The following ZNF334 variants were observed in gnomAD, a reference collection of about 807,000 sequenced individuals.
ZNF334 encodes the protein zinc finger protein 334.
In ZNF334, 14 loss-of-function variants were observed where a neutral mutation model predicts 12.4. That is an observed-to-expected ratio of 1.13 (90% CI 0.74 to 1.76). The LOEUF (loss-of-function observed/expected upper bound fraction) is 1.76, where lower values mean the gene tolerates loss of function less well. Among genes scored for constraint, ZNF334 ranks in the 40% most tolerant of loss-of-function variants. The pLI, the probability that ZNF334 is intolerant of heterozygous loss-of-function variation, is 0.00. For missense variants in ZNF334, 797 were observed against 804.5 expected (o/e 0.99, Z 0.11); for synonymous variants, 273 against 269.6 (o/e 1.01, Z -0.12).
At chr20:46,498,428 G>C (rs560110153), downstream of ZNF334, among the ~76,000 whole-genome samples, 1 of 152,176 alleles carries the variant, frequency 6.6e-6, no homozygotes, top group African/African-American at 2.4e-5. Context: ...GAAGAACTGA[G>C]GTCTCCTGCT....
rs572078043 is a variant in ZNF334, at chr20:46,507,462, C to T, written c.22-2722G>A. 5.7e-4 allele frequency among the ~76,000 whole-genome samples: 87 copies of T among 152,200 alleles called. 3 individuals are homozygous for T. The South Asian group carries it at 0.017, about 29-fold the overall frequency. On this transcript the variant is annotated intron_variant, in intron 2 of 4. Transcript: ENST00000692313. ...GAAAATAATAAGCAGAATTTGAATA[C>T]GATAGATAATAATACTGTATTCATG...
rs562004909 is a variant in ZNF334, at chr20:46,501,614, A to G, written c.1725T>C (p.Asn575=). The G allele has an allele frequency of 4.3e-6, 7 of 1,614,064 alleles. No homozygotes were observed. The African/African-American group carries it at 9.3e-5, about 22-fold the overall frequency. Residue 575 remains asparagine, a synonymous_variant, in exon 5 of 5, where the codon AAT becomes AAC. Coordinates refer to ENST00000692313, the MANE Select transcript of ZNF334 (RefSeq NM_001353824.2). Reference sequence around the variant, plus strand: ...TCTGACAGAAGGTTTTCCCACATTCATTACACTCATAGGGTCTCTGTCCTG... The same window carrying G: ...TCTGACAGAAGGTTTTCCCACATTCGTTACACTCATAGGGTCTCTGTCCTG... ...THTGQRPYEC[N]ECGKTFCQKF...
In ZNF334 at chr20:46,501,790, A is replaced by G; in HGVS notation, c.1549T>C (p.Tyr517His). 1 of 1,614,176 alleles carries G rather than the reference A, an allele frequency of 6.2e-7. No homozygotes were observed. The highest frequency in any genetic ancestry group is 8.5e-7 in the Non-Finnish European group (1 of 1,180,028). ...GCATGCCCATGTTCACTACACTCAT[A>G]AAGATTCTCCTTTGTGTTCATTCTC... The part of the protein sequence containing the change: ...CKRMNTKENL[Y>H]ECSEHGHAVS... The change falls in exon 5 of 5, where the codon TAT becomes CAT. Residue 517 changes from tyrosine (Y) to histidine (H), a missense_variant. By Grantham distance (83) the Tyr-to-His change is moderately conservative. Transcript: ENST00000692313.
chr20:46,483,422 T>C, the ZNF334 span, among the ~76,000 whole-genome samples: 1 of 152,214 alleles, frequency 6.6e-6, no homozygotes, highest in Non-Finnish European at 1.5e-5. Context: ...AGGTCGATTT[T>C]ATTATTTTCT....
Position 46,504,221 on chromosome 20 carries a change from G to A in ZNF334, c.234C>T (p.Asn78=). The change falls in exon 4 of 5, where the codon AAC becomes AAT. Residue 78 remains asparagine (N), a synonymous_variant. Coordinates refer to ENST00000692313, the MANE Select transcript of ZNF334 (RefSeq NM_001353824.2). ...CAGTTATCATTTACTTACCTGGGTA[G>A]TTCTGATTTGAGAATTCCTCCACTA... ...PWIVEEFSNQ[N]YPDIDDALEK... is the part of the protein sequence containing the mutation. The A allele has an allele frequency of 6.2e-7, 1 of 1,609,838 alleles. No homozygotes were observed. Among genetic ancestry groups the A allele is most frequent in the East Asian group, 2.2e-5 (1 of 44,790 alleles).
At chr20:46,509,307 G>A (rs979156304) in intron 2 of ZNF334, among the ~76,000 whole-genome samples, 15 of 152,152 alleles carry the variant, frequency 9.9e-5, no homozygotes, top group African/African-American at 2.7e-4. Context: ...CTAGAAAACA[G>A]ATCCTAAGGC....
At position 46,504,731 on chromosome 20, in the gene ZNF334, A is replaced by C. The variant is rs759668654; in HGVS notation, c.31T>G (p.Ser11Ala). MKMKKFQIPV[S>A]FQDLTVNFTQ... ...AAGTTCACAGTCAGGTCCTGGAATGAAACTGGTATCTGAAAGAAAATGTTT... is the reference window on the plus strand; with the variant it reads ...AAGTTCACAGTCAGGTCCTGGAATGCAACTGGTATCTGAAAGAAAATGTTT... The change falls in exon 3 of 5, where the codon TCA (serine) becomes GCA (alanine). Residue 11 changes from serine to alanine, a missense_variant. Coordinates refer to ENST00000692313, the MANE Select transcript of ZNF334 (RefSeq NM_001353824.2). 6.2e-7 allele frequency: 1 copy of C among 1,605,674 alleles called. No individual in the cohort carries two copies.
the ZNF334 span, chr20:46,484,878 C>CA: frequency 6.2e-6 from 1 of 160,498 alleles, no homozygotes; most frequent in African/African-American, 2.4e-5. Flanking sequence ...GTTTTTTATA[C>CA]AAAAACACTG....
intron 2 of ZNF334, 75 bp from the exon 3 acceptor site, chr20:46,504,815 G>T: frequency 7.3e-7 from 1 of 1,365,070 alleles, no homozygotes; most frequent in South Asian, 1.5e-5. Flanking sequence ...ACTATAAGAA[G>T]ACCACTGCCA....
At chr20:46,492,282 C>T in the ZNF334 span, 1 of 152,746 alleles carries the variant, frequency 6.5e-6, no homozygotes, top group African/African-American at 2.4e-5. Flanking sequence ...CATAAAGGAA[C>T]TCATACAGGA....
chr20:46,483,755 T>G, the ZNF334 span, among the ~76,000 whole-genome samples: 1 of 152,202 alleles, frequency 6.6e-6, no homozygotes, highest in Non-Finnish European at 1.5e-5. Flanking sequence ...TACTACAACT[T>G]GACTCTGCAC....
the ZNF334 span, among the ~76,000 whole-genome samples, chr20:46,493,841 A>G: frequency 6.6e-6 from 1 of 152,152 alleles, no homozygotes; most frequent in Non-Finnish European, 1.5e-5. Context: ...GAGGCATGAG[A>G]ATCACTTGAA....
In ZNF334 at chr20:46,502,060, G is replaced by A. The variant is rs747157309; in HGVS notation, c.1279C>T (p.His427Tyr). 2 of 1,614,166 alleles carry A rather than the reference G, an allele frequency of 1.2e-6. No individual in the cohort carries two copies. The highest frequency in any genetic ancestry group is 3.3e-5 in the Admixed American group (2 of 60,028). Residue 427 changes from histidine (H) to tyrosine (Y), a missense_variant, in exon 5 of 5, where the codon CAT becomes TAT. By Grantham distance (83) the His-to-Tyr change is moderately conservative. Coordinates refer to ENST00000692313, the MANE Select transcript of ZNF334 (RefSeq NM_001353824.2). ...CATTCATAGGGCTTCTCTCCTGTAT[G>A]ACTTCTTCGATGCACATTGAGGGCA... is the stretch of plus-strand genomic sequence containing the variant. ...QSALNVHRRSHTGEKPYECSQ... is the reference protein window; with the variant it reads ...QSALNVHRRSYTGEKPYECSQ...
chr20:46,500,218 T>A lies in ZNF334; in HGVS notation c.*1078A>T, dbSNP rs1669512009. On this transcript the variant is annotated 3_prime_UTR_variant, in exon 5 of 5. Transcript: ENST00000692313. ...TTCCTCATGCCTGGGGCAGAATGCA[T>A]AATGTGGCAGAGAAGCTAGGAATGG... The A allele has an allele frequency of 6.6e-6, 1 of 152,094 alleles. No individual in the cohort carries two copies. Among genetic ancestry groups the A allele is most frequent in the Non-Finnish European group, 1.5e-5 (1 of 68,024 alleles). The allele number at this position is 152,094 out of a possible 1,614,324, so 9.4% of individuals were successfully genotyped here.
At chr20:46,481,633 A>G in the ZNF334 span, among the ~76,000 whole-genome samples, 2 of 152,350 alleles carry the variant, frequency 1.3e-5, no homozygotes, top group East Asian at 3.9e-4. Context: ...AATCTATGGG[A>G]GAGCTGGAGC....
chr20:46,468,068 T>A, the ZNF334 span, among the ~76,000 whole-genome samples: 1 of 152,228 alleles, frequency 6.6e-6, no homozygotes, highest in African/African-American at 2.4e-5. Context: ...TTGAAATTTG[T>A]ACCTAATATT....
the ZNF334 span, among the ~76,000 whole-genome samples, chr20:46,487,246 A>C: frequency 6.6e-6 from 1 of 152,156 alleles, no homozygotes; most frequent in Non-Finnish European, 1.5e-5. Flanking sequence ...TTCACATTTT[A>C]ATCTGTCTAT....
chr20:46,503,222 A>G, intron 4 of ZNF334, 125 bp from the exon 5 acceptor site: 16 of 1,126,028 alleles, frequency 1.4e-5, no homozygotes, highest in Non-Finnish European at 1.9e-5. Flanking sequence ...AAGATTAAAC[A>G]AATTTCAAGT....
chr20:46,512,365 TTAC>T (rs2061684022), intron 1 of ZNF334, among the ~76,000 whole-genome samples, 172 bp downstream of exon 1: 5 of 152,346 alleles, frequency 3.3e-5, no homozygotes. Context: ...TTCTACTGAA[TTAC>T]TGTCAATCTA....
Sources: allele counts gnomAD v4.1 joint callset (sites outside exome capture counted in the v4.1 genomes callset), GRCh38; gene constraint gnomAD v4.1.1; transcripts MANE v1.5; gene names NCBI Gene and HGNC (gene_info 2026-07-23, HGNC 2026-07-21).